Variants in STK33 observed in about 807,000 individuals in gnomAD.
The protein encoded by STK33 is serine/threonine kinase 33, also known as serine/threonine-protein kinase 33.
Under a neutral mutation model 58.0 loss-of-function variants are expected in STK33, and 52 were observed. The ratio of observed to expected loss-of-function variants is 0.90; its 90% confidence interval spans 0.72 to 1.13. STK33 has a LOEUF of 1.13. Among genes scored for constraint, STK33 ranks in the 50% most tolerant of loss-of-function variants. The probability of loss-of-function intolerance (pLI) is 0.00; values close to 1 mark genes in which losing one functional copy is unlikely to be tolerated. For synonymous variants in STK33, 215 were observed against 200.1 expected (o/e 1.07, Z -0.63); for missense variants, 630 against 604.2 (o/e 1.04, Z -0.45).
intron 5 of STK33, among the ~76,000 whole-genome samples, chr11:8,473,536 T>C (rs1948989120): frequency 6.6e-6 from 1 of 152,188 alleles, no homozygotes; most frequent in Non-Finnish European, 1.5e-5. Flanking sequence ...AGCAGATTCA[T>C]CAAAGCTTAC....
At chr11:8,522,791 C>G (rs370144628) in intron 1 of STK33, among the ~76,000 whole-genome samples, 4 of 152,086 alleles carry the variant, frequency 2.6e-5, no homozygotes, top group Non-Finnish European at 5.9e-5. Context: ...TTCCTTTCTA[C>G]GGTCTCCCTC....
chr11:8,413,398 CA>C, intron 15 of STK33, 96 bp downstream of exon 15: 2 of 1,350,868 alleles, frequency 1.5e-6, no homozygotes, highest in Non-Finnish European at 2.1e-6. Context: ...GCCTTTGTTA[CA>C]AACTAACAAC....
Position 8,413,516 on chromosome 11 carries a change from T to C in STK33, c.1323A>G (p.Ser441=). ...CTACCTGTTTTTCCTCCTCTTCATC[T>C]GAAGTGTAATTGGCATCAGGGACAT... ...WGNVPDANYT[S]DEEEEKQSTA... Residue 441 remains serine, a synonymous_variant, in exon 15 of 16, where the codon TCA becomes TCG. Transcript: ENST00000687296. The C allele has an allele frequency of 1.2e-6, 2 of 1,613,976 alleles. No homozygotes were observed. The highest frequency in any genetic ancestry group is 1.7e-6 in the Non-Finnish European group (2 of 1,179,874).
intron 1 of STK33, among the ~76,000 whole-genome samples, chr11:8,509,116 CAAAAAAA>C (rs1161851155): frequency 2.2e-5 from 1 of 45,416 alleles, no homozygotes; most frequent in Non-Finnish European, 4.4e-5. Context: ...AACTCTGTCT[CAAAAAAA>C]AAAAAAAAAA....
chr11:8,573,039 T>C (rs1247879057), intron 1 of STK33, among the ~76,000 whole-genome samples: 2 of 151,836 alleles, frequency 1.3e-5, no homozygotes, highest in Non-Finnish European at 2.9e-5. Flanking sequence ...ATCCAAGAAG[T>C]TCAACAAACA....
the STK33 span, among the ~76,000 whole-genome samples, chr11:8,379,474 A>G: frequency 5.3e-5 from 8 of 152,330 alleles, no homozygotes; most frequent in East Asian, 1.3e-3. Flanking sequence ...CTTATCAAAA[A>G]GTAGGAAAAG....
chr11:8,399,597 A>C (rs1023845043), intron 15 of STK33, among the ~76,000 whole-genome samples: 1 of 152,220 alleles, frequency 6.6e-6, no homozygotes, highest in African/African-American at 2.4e-5. Flanking sequence ...AGCTAGCAGA[A>C]GGCAAGAAAT....
intron 12 of STK33, among the ~76,000 whole-genome samples, chr11:8,436,832 G>A (rs1038104740): frequency 6.6e-6 from 1 of 152,100 alleles, no homozygotes; most frequent in African/African-American, 2.4e-5. Flanking sequence ...CGAGTAGCAG[G>A]GATTACAGGC....
intron 11 of STK33, among the ~76,000 whole-genome samples, chr11:8,451,398 C>T (rs1218796133): frequency 6.6e-6 from 1 of 152,040 alleles, no homozygotes; most frequent in Non-Finnish European, 1.5e-5. Flanking sequence ...AACTATTCAA[C>T]AATATAGAAG....
intron 12 of STK33, among the ~76,000 whole-genome samples, chr11:8,439,869 T>TTATATATATATATATATA (rs551629890): frequency 0.077 from 8,187 of 106,618 alleles, 655 homozygotes; most frequent in South Asian, 0.16. Context: ...TATATTATAA[T>TTATATATATATATATATA]TATATATATA....
At chr11:8,561,608 T>C (rs566072786) in intron 1 of STK33, among the ~76,000 whole-genome samples, 1 of 152,322 alleles carries the variant, frequency 6.6e-6, no homozygotes, top group Non-Finnish European at 1.5e-5. Context: ...CCCCATGATA[T>C]ATTTGAAATT....
chr11:8,586,986 G>A (rs941052358), intron 1 of STK33, among the ~76,000 whole-genome samples: 2 of 152,142 alleles, frequency 1.3e-5, no homozygotes, highest in Admixed American at 6.5e-5. Flanking sequence ...GGGAAGTGAG[G>A]ATGAGTGCAG....
At chr11:8,428,963 T>C (rs1943095544) in intron 14 of STK33, among the ~76,000 whole-genome samples, 1 of 152,060 alleles carries the variant, frequency 6.6e-6, no homozygotes, top group South Asian at 2.1e-4. Flanking sequence ...AAAATTTAAA[T>C]ATAAATTTGA....
chr11:8,385,352 C>T, the STK33 span, among the ~76,000 whole-genome samples: 1 of 152,140 alleles, frequency 6.6e-6, no homozygotes, highest in Non-Finnish European at 1.5e-5. Flanking sequence ...CTTCCTGTGG[C>T]CCCCTAAATC....
intron 1 of STK33, among the ~76,000 whole-genome samples, chr11:8,576,812 C>A (rs2141253515): frequency 6.6e-6 from 1 of 152,230 alleles, no homozygotes; most frequent in South Asian, 2.1e-4. Flanking sequence ...TGCTAACATG[C>A]CAAACTCCTA....
At chr11:8,368,420 C>T in the STK33 span, among the ~76,000 whole-genome samples, 4 of 152,174 alleles carry the variant, frequency 2.6e-5, no homozygotes, top group East Asian at 5.8e-4. Context: ...CCATCAAGGT[C>T]GAACTGGGCC....
intron 1 of STK33, among the ~76,000 whole-genome samples, chr11:8,508,263 A>AT (rs1257195992): frequency 4.1e-5 from 4 of 98,318 alleles, no homozygotes; most frequent in Non-Finnish European, 5.9e-5. Context: ...TCTACCTTCT[A>AT]TTCTTTTTTT....
chr11:8,394,231 A>C (rs774843841), intron 15 of STK33, among the ~76,000 whole-genome samples: 1 of 152,206 alleles, frequency 6.6e-6, no homozygotes. Context: ...TGAGGATACA[A>C]CACCCCTGAT....
intron 12 of STK33, among the ~76,000 whole-genome samples, chr11:8,439,527 G>A (rs926669792): frequency 6.6e-6 from 1 of 151,998 alleles, no homozygotes. Context: ...CTGCTATGGT[G>A]GGGTAAAGTA....
Sources: allele counts gnomAD v4.1 joint callset (sites outside exome capture counted in the v4.1 genomes callset), GRCh38; gene constraint gnomAD v4.1.1; transcripts MANE v1.5; gene names NCBI Gene and HGNC (gene_info 2026-07-23, HGNC 2026-07-21).